DACH2: variants seen among roughly 807,000 people sequenced by gnomAD.
DACH2 encodes the protein dachshund family transcription factor 2, also known as dachshund homolog 2.
A neutral mutation model predicts 35.8 loss-of-function variants in DACH2; 17 were observed. The ratio of observed to expected loss-of-function variants is 0.48; its 90% CI spans 0.33 to 0.71. The LOEUF (loss-of-function observed/expected upper bound fraction) is 0.71, where lower values mean the gene tolerates loss of function less well. Among genes scored for constraint, DACH2 ranks in the 30% least tolerant of loss-of-function variants. The pLI is 0.02. For missense variants in DACH2, 469 were observed against 472.7 expected (o/e 0.99, Z 0.07); for synonymous variants, 195 against 177.3 (o/e 1.10, Z -0.79).
intron 2 of DACH2, among the ~76,000 whole-genome samples, chrX:86,469,233 G>T (rs1423918447): frequency 9.0e-6 from 1 of 110,693 alleles, no homozygotes; most frequent in Non-Finnish European, 1.9e-5. Flanking sequence ...TTGGACAAAG[G>T]ACACAAAATT....
intron 1 of DACH2, among the ~76,000 whole-genome samples, chrX:86,279,917 CAG>C (rs2147982383): frequency 9.3e-6 from 1 of 107,508 alleles, no homozygotes; most frequent in Admixed American, 1.0e-4. Flanking sequence ...GAAAGGATAT[CAG>C]AGATTGAAGA....
At chrX:86,524,544 T>A (rs1229979760) in intron 3 of DACH2, among the ~76,000 whole-genome samples, 1 of 112,174 alleles carries the variant, frequency 8.9e-6, no homozygotes, top group Non-Finnish European at 1.9e-5. Flanking sequence ...CTAACATGCA[T>A]TTGCAGATTC....
At chrX:86,319,706 T>A (rs1232742464) in intron 1 of DACH2, among the ~76,000 whole-genome samples, 2 of 112,484 alleles carry the variant, frequency 1.8e-5, no homozygotes, top group Admixed American at 1.9e-4. Context: ...CTAACACTGT[T>A]TTTATTTTTA....
intron 7 of DACH2, among the ~76,000 whole-genome samples, chrX:86,766,142 T>G (rs1444214660): frequency 9.0e-6 from 1 of 111,432 alleles, no homozygotes; most frequent in Non-Finnish European, 1.9e-5. Context: ...TCAGAACTGT[T>G]GTAAGTACTT....
At chrX:86,808,417 A>G (rs1425444360) in intron 7 of DACH2, among the ~76,000 whole-genome samples, 1 of 111,440 alleles carries the variant, frequency 9.0e-6, no homozygotes, top group Non-Finnish European at 1.9e-5. Flanking sequence ...ATTTATCTGT[A>G]TTATTTTTAT....
At chrX:86,470,691 T>C (rs182091865) in intron 2 of DACH2, among the ~76,000 whole-genome samples, 49 of 110,946 alleles carry the variant, frequency 4.4e-4, no homozygotes, top group African/African-American at 1.5e-3. Context: ...GTATAATGTA[T>C]AGTATTTGGG....
intron 1 of DACH2, among the ~76,000 whole-genome samples, chrX:86,360,132 G>T (rs1187644213): frequency 1.8e-5 from 2 of 111,412 alleles, no homozygotes; most frequent in African/African-American, 6.5e-5. Flanking sequence ...GCTTCTCAAA[G>T]ATTGTTTCCC....
chrX:86,481,296 A>G (rs1296574877), intron 2 of DACH2, among the ~76,000 whole-genome samples: 1 of 111,930 alleles, frequency 8.9e-6, no homozygotes, highest in East Asian at 2.8e-4. Flanking sequence ...CCTGTATAAT[A>G]CAACTTTATA....
intron 7 of DACH2, among the ~76,000 whole-genome samples, chrX:86,784,878 A>G (rs1602946423): frequency 8.9e-6 from 1 of 111,760 alleles, no homozygotes; most frequent in East Asian, 2.8e-4. Context: ...ATGCAGGAAC[A>G]TAAAACCAAA....
intron 3 of DACH2, among the ~76,000 whole-genome samples, chrX:86,635,346 A>T (rs962395879): frequency 1.1e-5 from 1 of 92,053 alleles, no homozygotes; most frequent in African/African-American, 4.1e-5. Flanking sequence ...AAAAAAAAAA[A>T]ACCTCTCAAA....
chrX:86,476,589 C>G (rs1163491207), intron 2 of DACH2, among the ~76,000 whole-genome samples: 1 of 110,966 alleles, frequency 9.0e-6, no homozygotes, highest in Non-Finnish European at 1.9e-5. Context: ...GTTAACTTTT[C>G]AAAATCCAAC....
At chrX:86,181,405 A>G (rs776376769) in intron 1 of DACH2, among the ~76,000 whole-genome samples, 1 of 110,782 alleles carries the variant, frequency 9.0e-6, no homozygotes, top group African/African-American at 3.3e-5. Flanking sequence ...CTCATTGTTC[A>G]ACTCCCATTT....
intron 1 of DACH2, among the ~76,000 whole-genome samples, chrX:86,229,156 T>C (rs185295533): frequency 8.9e-5 from 10 of 112,042 alleles, no homozygotes; most frequent in Non-Finnish European, 1.9e-5. Flanking sequence ...AGATGAGAGA[T>C]GAGGATCCAG....
chrX:86,336,846 T>G (rs1158960626), intron 1 of DACH2, among the ~76,000 whole-genome samples: 1 of 109,433 alleles, frequency 9.1e-6, no homozygotes, highest in Non-Finnish European at 1.9e-5. Flanking sequence ...TTAGACCAAT[T>G]GCTAACTAGA....
intron 4 of DACH2, among the ~76,000 whole-genome samples, chrX:86,689,764 A>C (rs947424589): frequency 8.9e-6 from 1 of 111,892 alleles, no homozygotes; most frequent in African/African-American, 3.2e-5. Context: ...GCTTTTTATA[A>C]ACACTTCTAT....
At chrX:86,741,331 T>A (rs780563612) in intron 7 of DACH2, among the ~76,000 whole-genome samples, 61 of 111,643 alleles carry the variant, frequency 5.5e-4, no homozygotes, top group African/African-American at 1.9e-3. Context: ...AGTTCTCAAA[T>A]CTGGCTCCCA....
intron 2 of DACH2, among the ~76,000 whole-genome samples, chrX:86,444,304 G>T (rs2037221591): frequency 9.0e-6 from 1 of 110,905 alleles, no homozygotes; most frequent in African/African-American, 3.3e-5. Flanking sequence ...TGCCCAGGCT[G>T]ATCTCAAACT....
At chrX:86,437,888 C>A (rs1157673954) in intron 2 of DACH2, among the ~76,000 whole-genome samples, 1 of 106,215 alleles carries the variant, frequency 9.4e-6, no homozygotes, top group Non-Finnish European at 1.9e-5. Flanking sequence ...GTTTTTTAAA[C>A]TTTTATTTTA....
At chrX:86,157,094 A>G (rs1484116957) in intron 1 of DACH2, among the ~76,000 whole-genome samples, 1 of 111,653 alleles carries the variant, frequency 9.0e-6, no homozygotes, top group Admixed American at 9.6e-5. Context: ...TTTGTTTATT[A>G]GAGCAAATTG....
Sources: allele counts gnomAD v4.1 joint callset (sites outside exome capture counted in the v4.1 genomes callset), GRCh38; gene constraint gnomAD v4.1.1; transcripts MANE v1.5; gene names NCBI Gene and HGNC (gene_info 2026-07-23, HGNC 2026-07-21).